The following NKAIN3 variants were observed in gnomAD, a reference collection of about 807,000 sequenced individuals.
NKAIN3 encodes the protein sodium/potassium-transporting ATPase subunit beta-1-interacting protein 3.
NKAIN3 carries 25 observed loss-of-function variants against 30.2 expected under a neutral mutation model. The ratio of observed to expected loss-of-function variants is 0.83; its 90% CI spans 0.60 to 1.16. The LOEUF (loss-of-function observed/expected upper bound fraction) is 1.16, where lower values mean the gene tolerates loss of function less well. Ranked by LOEUF, NKAIN3 falls within the 50% of genes most tolerant of loss-of-function variation. The probability of loss-of-function intolerance (pLI) is 0.00; values close to 1 mark genes in which losing one functional copy is unlikely to be tolerated. For missense variants in NKAIN3, 225 were observed against 254.1 expected, an observed-to-expected ratio of 0.89 and a Z score of 0.78; for synonymous variants, 91 against 89.6, an observed-to-expected ratio of 1.02 and a Z score of -0.09.
intron 3 of NKAIN3, among the ~76,000 whole-genome samples, chr8:62,710,332 A>G (rs1160624361): frequency 6.6e-6 from 1 of 152,104 alleles, no homozygotes; most frequent in East Asian, 1.9e-4. Context: ...GGAATCCTCC[A>G]CTATTATTTG....
chr8:62,405,099 G>T (rs773669917), intron 1 of NKAIN3, among the ~76,000 whole-genome samples: 1 of 152,122 alleles, frequency 6.6e-6, no homozygotes, highest in African/African-American at 2.4e-5. Context: ...GCCTGGTACC[G>T]TATCCTACTG....
chr8:62,318,527 G>A (rs948785323), intron 1 of NKAIN3, among the ~76,000 whole-genome samples: 7 of 152,124 alleles, frequency 4.6e-5, no homozygotes, highest in Non-Finnish European at 8.8e-5. Flanking sequence ...AGTTGTCAAA[G>A]GCCTTTTCTT....
intron 1 of NKAIN3, among the ~76,000 whole-genome samples, chr8:62,508,300 G>A (rs761056862): frequency 6.6e-6 from 1 of 152,066 alleles, no homozygotes; most frequent in Non-Finnish European, 1.5e-5. Context: ...TTTTTGCTTA[G>A]TTATGGCAGG....
intron 1 of NKAIN3, among the ~76,000 whole-genome samples, chr8:62,352,606 C>T (rs1816217845): frequency 6.6e-6 from 1 of 152,140 alleles, no homozygotes; most frequent in Non-Finnish European, 1.5e-5. Context: ...CTCCCCGCAA[C>T]ATTAAAGATA....
chr8:62,804,006 A>T (rs1298121789), intron 4 of NKAIN3, among the ~76,000 whole-genome samples: 1 of 152,236 alleles, frequency 6.6e-6, no homozygotes, highest in Admixed American at 6.5e-5. Context: ...ATAAACTAGA[A>T]AATCTAGCAG....
At chr8:62,776,650 G>T (rs922113006) in intron 4 of NKAIN3, among the ~76,000 whole-genome samples, 1 of 151,930 alleles carries the variant, frequency 6.6e-6, no homozygotes, top group Non-Finnish European at 1.5e-5. Flanking sequence ...ATACCTTATT[G>T]TATACCCTAT....
At position 62,802,667 on chromosome 8, in the gene NKAIN3, A is replaced by G. The variant is rs1233977810; in HGVS notation, c.471+55538A>G. Among the ~76,000 whole-genome samples the G allele has an allele frequency of 3.3e-5, 5 of 152,356 alleles. No individual in the cohort carries two copies. The South Asian group carries it at 1.0e-3, about 32-fold the overall frequency. ...ACCAGCCACTGCAAAATCATGCCAA[A>G]TTGTAAAGACCATCGAGGCTAGGAA... is the stretch of plus-strand genomic sequence containing the variant. On this transcript the variant is annotated intron_variant, in intron 4 of 6. Transcript: ENST00000623646.
At chr8:62,600,655 A>G (rs937218948) in intron 3 of NKAIN3, among the ~76,000 whole-genome samples, 3 of 152,064 alleles carry the variant, frequency 2.0e-5, no homozygotes, top group Non-Finnish European at 1.5e-5. Context: ...GACATGTTTT[A>G]ACAGCTATGC....
chr8:62,621,345 T>G (rs1266526455), intron 3 of NKAIN3, among the ~76,000 whole-genome samples: 2 of 152,092 alleles, frequency 1.3e-5, no homozygotes, highest in Non-Finnish European at 2.9e-5. Flanking sequence ...TTACTGATTT[T>G]ATTAATAAAT....
chr8:62,461,647 G>T (rs1806004423), intron 1 of NKAIN3, among the ~76,000 whole-genome samples: 1 of 152,150 alleles, frequency 6.6e-6, no homozygotes, highest in African/African-American at 2.4e-5. Flanking sequence ...TATAAAAATA[G>T]AAATTCTGAA....
At position 62,975,119 on chromosome 8, in the gene NKAIN3, T is replaced by C. The variant is rs1199443409; in HGVS notation, c.*9712T>C. ...TTCATCAGGGATATTGGCCTGAAAT[T>C]TTCATTTTTTGTTGTGTCTCTGCCT... On this transcript the variant is annotated 3_prime_UTR_variant, in exon 7 of 7. Transcript: ENST00000623646. Among the ~76,000 whole-genome samples, 2 of 152,122 alleles carry C rather than the reference T, an allele frequency of 1.3e-5. No individual in the cohort carries two copies. The highest frequency in any genetic ancestry group is 4.8e-5 in the African/African-American group (2 of 41,408).
chr8:62,749,679 C>CTTTTTTTTTT (rs35908903), intron 4 of NKAIN3, among the ~76,000 whole-genome samples: 2 of 97,282 alleles, frequency 2.1e-5, no homozygotes, highest in Non-Finnish European at 4.0e-5. Context: ...TTTTTCTTTT[C>CTTTTTTTTTT]TTTTTTTTTT....
chr8:62,581,767 T>TCCTC (rs1205443394), intron 2 of NKAIN3, among the ~76,000 whole-genome samples: 19 of 137,340 alleles, frequency 1.4e-4, no homozygotes, highest in African/African-American at 5.0e-4. Context: ...TTTCCTTCCT[T>TCCTC]CCTCCCTCCC....
intron 1 of NKAIN3, among the ~76,000 whole-genome samples, chr8:62,570,910 G>T (rs1809915004): frequency 6.6e-6 from 1 of 152,116 alleles, no homozygotes; most frequent in Admixed American, 6.5e-5. Flanking sequence ...TCCTAAGAAA[G>T]CATTTGATCA....
At chr8:62,414,013 A>G (rs369976620) in intron 1 of NKAIN3, among the ~76,000 whole-genome samples, 2 of 152,186 alleles carry the variant, frequency 1.3e-5, no homozygotes, top group Non-Finnish European at 2.9e-5. Context: ...TAAATCAGCA[A>G]TGACCAAAAT....
chr8:62,820,768 G>A (rs764402497), intron 4 of NKAIN3, among the ~76,000 whole-genome samples: 2 of 152,100 alleles, frequency 1.3e-5, no homozygotes, highest in Non-Finnish European at 2.9e-5. Flanking sequence ...GTGAGATGAA[G>A]CTTGATTATG....
chr8:62,525,992 C>T (rs1160292338), intron 1 of NKAIN3, among the ~76,000 whole-genome samples: 7 of 152,030 alleles, frequency 4.6e-5, no homozygotes, highest in Non-Finnish European at 7.4e-5. Flanking sequence ...GTTTAGTGCT[C>T]GTATTTTTGG....
At chr8:62,880,288 C>A (rs1165806671) in intron 4 of NKAIN3, among the ~76,000 whole-genome samples, 1 of 152,128 alleles carries the variant, frequency 6.6e-6, no homozygotes, top group Admixed American at 6.6e-5. Flanking sequence ...CCATGCCAAA[C>A]CCATCTCTCA....
chr8:62,652,395 C>T (rs776764151), intron 3 of NKAIN3, among the ~76,000 whole-genome samples: 28 of 152,140 alleles, frequency 1.8e-4, no homozygotes, highest in Non-Finnish European at 7.4e-5. Context: ...AAGGCTCTCC[C>T]CACACTGGCT....
Sources: gnomAD v4.1 joint callset for allele counts (sites outside exome capture counted in the v4.1 genomes callset) on GRCh38, gnomAD v4.1.1 for gene constraint, MANE v1.5 for transcripts, NCBI Gene and HGNC (gene_info 2026-07-23, HGNC 2026-07-21) for gene names.